The following ITM2C variants were observed in gnomAD, a reference collection of about 807,000 sequenced individuals.
The protein encoded by ITM2C is BRICHOS domain containing 2C.
A neutral mutation model predicts 30.0 loss-of-function variants in ITM2C; 20 were observed. The observed-to-expected ratio is 0.67, with a 90% CI of 0.47 to 0.97. The LOEUF (loss-of-function observed/expected upper bound fraction) is 0.97. Among genes scored for constraint, ITM2C ranks in the 50% least tolerant of loss-of-function variants. The pLI is 0.00. For synonymous variants in ITM2C, 167 were observed against 156.4 expected (o/e 1.07, Z -0.51); for missense variants, 366 against 371.9 (o/e 0.98, Z 0.13).
At position 230,873,542 on chromosome 2, in the gene ITM2C, C is replaced by G. The variant is rs1356697693; in HGVS notation, c.246C>G (p.Tyr82Ter). The G allele has an allele frequency of 1.2e-6, 2 of 1,608,300 alleles. No individual in the cohort carries two copies. The highest frequency in any genetic ancestry group is 1.7e-6 in the Non-Finnish European group (2 of 1,177,718). The change falls in exon 2 of 6, where the codon TAC becomes TAG. Residue 82 changes from tyrosine (Y) to a stop codon, truncating the protein, a stop_gained. Coordinates refer to ENST00000326427, the MANE Select transcript of ITM2C (RefSeq NM_030926.6). LOFTEE classifies it high-confidence loss of function. The part of the protein sequence containing the change: ...LVFASVYIYR[Y>*]FFLAQLARDN... ...TCGCCTCTGTCTACATCTACAGATA[C>G]TTCTTCCTTGCGCAGGTGAGGGGCC... is the stretch of plus-strand genomic sequence containing the variant.
Position 230,877,867 on chromosome 2 carries a change from C to A in ITM2C, c.713-141C>A. 1 of 705,954 alleles carries A rather than the reference C, an allele frequency of 1.4e-6. No individual in the cohort carries two copies. Among genetic ancestry groups the A allele is most frequent in the Non-Finnish European group, 2.4e-6 (1 of 417,072 alleles). The allele number at this position is 705,954 out of a possible 1,614,324, so 43.7% of individuals were successfully genotyped here. A position where few individuals can be genotyped will look rare whatever the true frequency, so the allele number is the denominator to read the frequency against. On this transcript the variant is annotated intron_variant, in intron 5 of 5. Transcript: ENST00000326427. This position sits in a 1 kb window ranked among gnomAD's most constrained non-coding sequence, Gnocchi z 4.8. ...GGCTGACTCCAGCTTTCGAGCTCTCCCCATTTCTCACTGTGCTCTTTGGGT... is the reference window on the plus strand; with the variant it reads ...GGCTGACTCCAGCTTTCGAGCTCTCACCATTTCTCACTGTGCTCTTTGGGT...
Position 230,877,499 on chromosome 2 carries a change from C to T in ITM2C, c.661C>T (p.Leu221=), listed in dbSNP as rs35084476. Residue 221 remains leucine, a synonymous_variant, in exon 5 of 6, where the codon CTG becomes TTG. Coordinates refer to ENST00000326427, the MANE Select transcript of ITM2C (RefSeq NM_030926.6). The surrounding 1 kb of genome is among the most constrained non-coding windows in gnomAD (Gnocchi z 4.8). Reference sequence around the variant, plus strand: ...GGCCCTGGGGTCCTTCATCTACCACCTGTGCAACGGGAAAGACACCTACCG... The same window carrying T: ...GGCCCTGGGGTCCTTCATCTACCACTTGTGCAACGGGAAAGACACCTACCG... ...KEALGSFIYH[L]CNGKDTYRLR... 4.1e-3 allele frequency: 6,670 copies of T among 1,614,048 alleles called. 159 individuals are homozygous for T. In the African/African-American group the frequency reaches 0.062, roughly 15 times the overall value.
In ITM2C at chr2:230,865,328, A is replaced by G. The variant is rs565596969; in HGVS notation, c.120+183A>G. The G allele has an allele frequency of 1.5e-4, 90 of 587,686 alleles. No homozygotes were observed. The South Asian group carries it at 6.5e-3, about 42-fold the overall frequency. The allele number at this position is 587,686 out of a possible 1,614,324, so 36.4% of individuals were successfully genotyped here. ...GAGGAGGGGGCTTAAGTCCCGTACT[A>G]AAGCGGCAGCCAAAAGCTGAAGTCC... On this transcript the variant is annotated intron_variant, in intron 1 of 5. Transcript: ENST00000326427. This position sits in a 1 kb window ranked among gnomAD's most constrained non-coding sequence, Gnocchi z 6.8.
In ITM2C at chr2:230,873,576, T is replaced by C. The variant is rs562257378; in HGVS notation, c.261+19T>C. On this transcript the variant is annotated intron_variant, in intron 2 of 5. Transcript: ENST00000326427. ...TGCGCAGGTGAGGGGCCGGGCCAGG[T>C]AGGGGCAAGGCCTCGAGAAAGGGTC... 3.0e-4 allele frequency: 480 copies of C among 1,591,414 alleles called. 2 individuals carry two copies. In the South Asian group the frequency reaches 5.1e-3, roughly 17 times the overall value.
chr2:230,876,895 C>G lies in ITM2C; in HGVS notation c.489C>G (p.Cys163Trp). ...TAYHDISLDK[C>W]YVIELNTTIV... is the part of the protein sequence containing the mutation. ...ACCATGATATCTCCCTGGACAAGTG[C>G]TATGTCATCGAACTCAACACCACCA... Residue 163 changes from cysteine to tryptophan, a missense_variant, in exon 4 of 6, where the codon TGC (cysteine) becomes TGG (tryptophan). Coordinates refer to ENST00000326427, the MANE Select transcript of ITM2C (RefSeq NM_030926.6). 6.2e-7 allele frequency: 1 copy of G among 1,614,034 alleles called. No homozygotes were observed. The highest frequency in any genetic ancestry group is 8.5e-7 in the Non-Finnish European group (1 of 1,179,914).
intron 2 of ITM2C, among the ~76,000 whole-genome samples, chr2:230,875,115 A>G (rs1434337320): frequency 6.6e-6 from 1 of 152,156 alleles, no homozygotes; most frequent in African/African-American, 2.4e-5. Flanking sequence ...AGTCGTGCAC[A>G]GGCGTAGGTG....
intron 1 of ITM2C, among the ~76,000 whole-genome samples, chr2:230,869,649 C>A (rs1244105363): frequency 2.0e-5 from 3 of 152,188 alleles, no homozygotes; most frequent in Non-Finnish European, 4.4e-5. Context: ...ATCGTTAAAT[C>A]GGCTTGCAGT....
chr2:230,877,342 AG>A lies in ITM2C; in HGVS notation c.562-54del. The A allele has an allele frequency of 6.3e-7, 1 of 1,580,936 alleles. No individual in the cohort carries two copies. The highest frequency in any genetic ancestry group is 1.1e-5 in the South Asian group (1 of 88,552). ...GGGAGGTGGGCTGGCATTTCGGGCG[AG>A]GGGTTGGACGAAAGCCTGAGGGGCC... On this transcript the variant is annotated intron_variant, in intron 4 of 5. Transcript: ENST00000326427. The surrounding 1 kb of genome is among the most constrained non-coding windows in gnomAD (Gnocchi z 4.8).
intron 2 of ITM2C, among the ~76,000 whole-genome samples, chr2:230,873,769 G>C (rs1291463064): frequency 6.6e-6 from 1 of 152,182 alleles, no homozygotes; most frequent in Non-Finnish European, 1.5e-5. Context: ...CCTTGTCCTG[G>C]GGAGCCAAGC....
At chr2:230,875,232 G>A (rs1016124857) in intron 2 of ITM2C, among the ~76,000 whole-genome samples, 3 of 152,158 alleles carry the variant, frequency 2.0e-5, no homozygotes, top group Admixed American at 2.0e-4. Context: ...GTCCTGCTGG[G>A]CCACCCCTTT....
At chr2:230,876,355 A>G (rs1287548164) in intron 3 of ITM2C, among the ~76,000 whole-genome samples, 9 of 152,220 alleles carry the variant, frequency 5.9e-5, no homozygotes, top group Non-Finnish European at 1.3e-4. Flanking sequence ...GGCACCTTCT[A>G]CAACAGGCTA....
At chr2:230,868,365 C>T (rs1697082713) in intron 1 of ITM2C, among the ~76,000 whole-genome samples, 1 of 152,046 alleles carries the variant, frequency 6.6e-6, no homozygotes, top group African/African-American at 2.4e-5. Context: ...CACTCCCTCC[C>T]AGCGCCAACT....
At position 230,878,289 on chromosome 2, in the gene ITM2C, A is replaced by C. The variant is rs1010118689; in HGVS notation, c.*190A>C. 7.1e-6 allele frequency: 3 copies of C among 423,476 alleles called. No individual in the cohort carries two copies. The highest frequency in any genetic ancestry group is 6.2e-5 in the African/African-American group (3 of 48,116). The allele number at this position is 423,476 out of a possible 1,614,324, so 26.2% of individuals were successfully genotyped here. On this transcript the variant is annotated 3_prime_UTR_variant, in exon 6 of 6. Transcript: ENST00000326427. The surrounding 1 kb of genome is among the most constrained non-coding windows in gnomAD (Gnocchi z 4.5). Reference sequence around the variant, plus strand: ...GCTGTGATCTCTCGGTGGGGGGCCCATCTCTGCTGACCTGGGTGTGGCGGA... The same window carrying C: ...GCTGTGATCTCTCGGTGGGGGGCCCCTCTCTGCTGACCTGGGTGTGGCGGA...
Position 230,877,971 on chromosome 2 carries a change from A to G in ITM2C, c.713-37A>G. ...TGGTGGTCTTTGTGACTCAGCCAGG[A>G]TGCAGGGCTCACTGGGGTTTTTCTT... On this transcript the variant is annotated intron_variant, in intron 5 of 5. Coordinates refer to ENST00000326427, the MANE Select transcript of ITM2C (RefSeq NM_030926.6). This position sits in a 1 kb window ranked among gnomAD's most constrained non-coding sequence, Gnocchi z 4.8. 1 of 1,534,892 alleles carries G rather than the reference A, an allele frequency of 6.5e-7. No individual in the cohort carries two copies. The highest frequency in any genetic ancestry group is 9.0e-7 in the Non-Finnish European group (1 of 1,108,544).
rs537666457 is a variant in ITM2C at position 230,875,506 on chromosome 2, T to C, written c.262-114T>C. 26 of 900,004 alleles carry C rather than the reference T, an allele frequency of 2.9e-5. No homozygotes were observed. In the East Asian group the frequency reaches 5.3e-4, roughly 18 times the overall value. The allele number at this position is 900,004 out of a possible 1,614,324, so 55.8% of individuals were successfully genotyped here. A position where few individuals can be genotyped will look rare whatever the true frequency, so the allele number is the denominator to read the frequency against. The stretch of plus-strand genomic sequence containing the variant: ...ATGGGTCTCACAGTCCCTGCTCTTC[T>C]TGCTTCCGCAGGCTTTTGGGGCATG... On this transcript the variant is annotated intron_variant, in intron 2 of 5. Coordinates refer to ENST00000326427, the MANE Select transcript of ITM2C (RefSeq NM_030926.6).
chr2:230,873,303 CT>C, intron 1 of ITM2C, 113 bp from the exon 2 acceptor site: 1 of 1,091,490 alleles, frequency 9.2e-7, no homozygotes, highest in Non-Finnish European at 1.2e-6. Flanking sequence ...CCTTCCCTCC[CT>C]TTCCCCCAAG....
At chr2:230,871,231 C>T (rs1351317847) in intron 1 of ITM2C, among the ~76,000 whole-genome samples, 1 of 152,222 alleles carries the variant, frequency 6.6e-6, no homozygotes, top group Admixed American at 6.5e-5. Flanking sequence ...TTTGTTGTGT[C>T]CCGAGGGCAG....
chr2:230,875,474 C>T, intron 2 of ITM2C, 146 bp from the exon 3 acceptor site: 1 of 642,176 alleles, frequency 1.6e-6, no homozygotes, highest in South Asian at 2.3e-5. Context: ...GTTTCTCCAT[C>T]TGCGAAATGG....
rs1318557759 is a variant in ITM2C at position 230,877,595 on chromosome 2, A to C, written c.712+45A>C. Reference sequence around the variant, plus strand: ...CACAGTAGCCCCTGTCCCGTGCCCCAGACCACAGTTATCTTCACGCCTAGC... The same window carrying C: ...CACAGTAGCCCCTGTCCCGTGCCCCCGACCACAGTTATCTTCACGCCTAGC... On this transcript the variant is annotated intron_variant, in intron 5 of 5. Transcript: ENST00000326427. The surrounding 1 kb of genome is among the most constrained non-coding windows in gnomAD (Gnocchi z 4.8). 1.9e-6 allele frequency: 3 copies of C among 1,605,776 alleles called. No homozygotes were observed. The highest frequency in any genetic ancestry group is 2.2e-5 in the East Asian group (1 of 44,826).
Sources: allele counts gnomAD v4.1 joint callset (sites outside exome capture counted in the v4.1 genomes callset), GRCh38; gene constraint gnomAD v4.1.1; non-coding constraint Gnocchi (gnomAD v3.1); transcripts MANE v1.5; gene names NCBI Gene and HGNC (gene_info 2026-07-23, HGNC 2026-07-21).